CD226: variants seen among roughly 807,000 people sequenced by gnomAD.
The protein encoded by CD226 is CD226 molecule.
In CD226, 24 loss-of-function variants were observed where a neutral mutation model predicts 34.9. That is an observed-to-expected ratio of 0.69 (90% CI 0.50 to 0.97). The LOEUF (loss-of-function observed/expected upper bound fraction) is 0.97. Ranked by LOEUF, CD226 falls within the 50% of genes least tolerant of loss-of-function variation. CD226 has a pLI of 0.00. For synonymous variants in CD226, 148 were observed against 147.4 expected (o/e 1.00, Z -0.03); for missense variants, 397 against 412.7 (o/e 0.96, Z 0.33).
intron 2 of CD226, among the ~76,000 whole-genome samples, chr18:69,925,315 A>G (rs1379421949): frequency 6.6e-6 from 1 of 152,228 alleles, no homozygotes; most frequent in African/African-American, 2.4e-5. Context: ...ACCAAATACA[A>G]ACTAGGATCA....
At chr18:69,891,913 A>G (rs573213585) in intron 3 of CD226, among the ~76,000 whole-genome samples, 30 of 152,354 alleles carry the variant, frequency 2.0e-4, no homozygotes, top group Middle Eastern at 3.4e-3. Flanking sequence ...TTTCACTGTC[A>G]TCACTTAATT....
In CD226 at chr18:69,872,562, A is replaced by T. The variant is rs575773249; in HGVS notation, c.830+582T>A. On this transcript the variant is annotated intron_variant, in intron 4 of 5. Coordinates refer to ENST00000582621, the MANE Select transcript of CD226 (RefSeq NM_001303618.2). ...CACTGTGACCAGCCAATAAAAGATTAAAAAAAATTTAGTATAGGCCAAATG... is the reference window on the plus strand; with the variant it reads ...CACTGTGACCAGCCAATAAAAGATTTAAAAAAATTTAGTATAGGCCAAATG... Among the ~76,000 whole-genome samples, 101 of 152,192 alleles carry T rather than the reference A, an allele frequency of 6.6e-4. 1 individual carries two copies. In the Middle Eastern group the frequency reaches 0.01, roughly 15 times the overall value.
chr18:69,910,277 G>C (rs981129423), intron 2 of CD226, among the ~76,000 whole-genome samples: 1 of 152,178 alleles, frequency 6.6e-6, no homozygotes, highest in Admixed American at 6.5e-5. Context: ...CTTCACAGTG[G>C]GAAAACGTGG....
intron 2 of CD226, among the ~76,000 whole-genome samples, chr18:69,935,622 C>T (rs753744965): frequency 1.1e-4 from 16 of 152,176 alleles, no homozygotes; most frequent in East Asian, 3.9e-4. Context: ...GGTTGGCAGC[C>T]GCCTTCAGTG....
intron 3 of CD226, among the ~76,000 whole-genome samples, chr18:69,891,219 TA>T (rs1984885170): frequency 6.6e-6 from 1 of 151,574 alleles, no homozygotes; most frequent in African/African-American, 2.4e-5. Flanking sequence ...CAAAGTGATA[TA>T]AAAAGGCCAC....
chr18:69,929,351 G>T (rs755765764), intron 2 of CD226, among the ~76,000 whole-genome samples: 8 of 152,222 alleles, frequency 5.3e-5, no homozygotes, highest in Non-Finnish European at 1.2e-4. Flanking sequence ...TCATGTACTT[G>T]TAACATCATT....
intron 2 of CD226, among the ~76,000 whole-genome samples, chr18:69,903,928 T>C (rs1381269205): frequency 3.3e-5 from 5 of 152,114 alleles, no homozygotes; most frequent in Admixed American, 3.3e-4. Flanking sequence ...GGACGACATC[T>C]TGGGTACAGT....
chr18:69,879,864 T>C (rs1984109396), intron 3 of CD226, among the ~76,000 whole-genome samples: 1 of 152,178 alleles, frequency 6.6e-6, no homozygotes, highest in Admixed American at 6.5e-5. Flanking sequence ...TGGATTCAGA[T>C]GACAGCTGGT....
At chr18:69,950,971 TTGTGTGTGTGTGTGTGTGTG>T (rs57098005), upstream of CD226, among the ~76,000 whole-genome samples, 557 of 132,712 alleles carry the variant, frequency 4.2e-3, 2 homozygotes, top group African/African-American at 0.014. Flanking sequence ...AACTATGATT[TTGTGTGTGTGTGTGTGTGTG>T]TGTGTGTGTG....
chr18:69,942,451 G>C (rs2055737611), intron 2 of CD226, among the ~76,000 whole-genome samples: 1 of 152,204 alleles, frequency 6.6e-6, no homozygotes, highest in African/African-American at 2.4e-5. Flanking sequence ...TATTTTGTGT[G>C]TCTCTCTAAA....
chr18:69,902,507 C>T (rs1390708712), intron 2 of CD226, among the ~76,000 whole-genome samples: 1 of 151,698 alleles, frequency 6.6e-6, no homozygotes, highest in Non-Finnish European at 1.5e-5. Flanking sequence ...CCTCTCCTCT[C>T]TCCTTTCTGA....
intron 2 of CD226, among the ~76,000 whole-genome samples, chr18:69,905,531 GAGA>G (rs1262494676): frequency 2.6e-5 from 4 of 152,206 alleles, no homozygotes; most frequent in African/African-American, 7.2e-5. Flanking sequence ...GCAGAGGGCA[GAGA>G]AGGAGAGTGA....
At chr18:69,872,202 A>T (rs1983577632) in intron 4 of CD226, among the ~76,000 whole-genome samples, 1 of 152,014 alleles carries the variant, frequency 6.6e-6, no homozygotes, top group Non-Finnish European at 1.5e-5. Flanking sequence ...TATAGACATC[A>T]AAAGTGTGGT....
chr18:69,959,223 C>T (rs75865379), upstream of CD226, among the ~76,000 whole-genome samples: 2,504 of 152,214 alleles, frequency 0.016, 65 homozygotes, highest in African/African-American at 0.056. Context: ...CCCTATCCCT[C>T]CAGAGAACAG....
chr18:69,903,830 G>A (rs1304332048), intron 2 of CD226, among the ~76,000 whole-genome samples: 1 of 152,110 alleles, frequency 6.6e-6, no homozygotes, highest in East Asian at 1.9e-4. Context: ...ACTTCAAACT[G>A]CAAGACAACA....
At chr18:69,929,459 T>C (rs1283974050) in intron 2 of CD226, among the ~76,000 whole-genome samples, 1 of 152,206 alleles carries the variant, frequency 6.6e-6, no homozygotes, top group Non-Finnish European at 1.5e-5. Flanking sequence ...TATGTATTAA[T>C]AATACTATCT....
At chr18:69,920,779 C>T (rs546823709) in intron 2 of CD226, among the ~76,000 whole-genome samples, 3 of 151,698 alleles carry the variant, frequency 2.0e-5, no homozygotes, top group African/African-American at 4.9e-5. Flanking sequence ...TTATGACTAG[C>T]GAAGACAGAG....
chr18:69,865,388 T>C (rs1299761976), intron 5 of CD226, among the ~76,000 whole-genome samples: 2 of 151,626 alleles, frequency 1.3e-5, no homozygotes, highest in African/African-American at 4.8e-5. Context: ...GTAGTTCTAA[T>C]GTCTTTTTTT....
chr18:69,877,596 A>C (rs1487829986), intron 3 of CD226, among the ~76,000 whole-genome samples: 2 of 152,170 alleles, frequency 1.3e-5, no homozygotes, highest in Non-Finnish European at 2.9e-5. Context: ...ACCCACATTC[A>C]GATTAGAGTC....
Sources: allele counts gnomAD v4.1 joint callset (sites outside exome capture counted in the v4.1 genomes callset), GRCh38; gene constraint gnomAD v4.1.1; transcripts MANE v1.5; gene names NCBI Gene and HGNC (gene_info 2026-07-23, HGNC 2026-07-21).